The following MGAT4C variants were observed in gnomAD, a reference collection of about 807,000 sequenced individuals.
MGAT4C encodes alpha-1,3-mannosyl-glycoprotein 4-beta-N-acetylglucosaminyltransferase C.
A neutral mutation model predicts 40.1 loss-of-function variants in MGAT4C; 19 were observed. The ratio of observed to expected loss-of-function variants is 0.47; its 90% CI spans 0.33 to 0.70. The LOEUF (loss-of-function observed/expected upper bound fraction) is 0.70, where lower values mean the gene tolerates loss of function less well. Ranked by LOEUF, MGAT4C falls within the 30% of genes least tolerant of loss-of-function variation. MGAT4C has a pLI of 0.02. For missense variants in MGAT4C, 491 were observed against 563.2 expected (o/e 0.87, Z 1.30); for synonymous variants, 181 against 187.1 (o/e 0.97, Z 0.27).
intron 2 of MGAT4C, among the ~76,000 whole-genome samples, chr12:86,587,402 G>A (rs969097968): frequency 4.6e-5 from 7 of 152,060 alleles, no homozygotes; most frequent in Non-Finnish European, 7.4e-5. Context: ...CTCCAGCTTT[G>A]TTCTTTTGGC....
rs1467170628 is a variant in MGAT4C, at chr12:85,972,938, T to C, written c.*6351A>G. The C allele has an allele frequency of 6.6e-6, 1 of 151,010 alleles. No homozygotes were observed. The highest frequency in any genetic ancestry group is 1.5e-5 in the Non-Finnish European group (1 of 67,182). The allele number at this position is 151,010 out of a possible 1,614,324, so 9.4% of individuals were successfully genotyped here. On this transcript the variant is annotated 3_prime_UTR_variant, in exon 5 of 5. Coordinates refer to ENST00000611864, the MANE Select transcript of MGAT4C (RefSeq NM_001351288.2). The stretch of plus-strand genomic sequence containing the variant: ...CAAATAGTTAAACAAATGTGGGGTA[T>C]TTTATGGAGAAAAGAGGCATGTACT...
At chr12:86,292,252 T>C (rs1953537219) in intron 4 of MGAT4C, among the ~76,000 whole-genome samples, 1 of 152,038 alleles carries the variant, frequency 6.6e-6, no homozygotes. Flanking sequence ...AAAAATATAA[T>C]GAAAAATTAT....
At chr12:86,419,175 T>C (rs946070566) in intron 3 of MGAT4C, among the ~76,000 whole-genome samples, 1 of 152,064 alleles carries the variant, frequency 6.6e-6, no homozygotes, top group Non-Finnish European at 1.5e-5. Context: ...AAATTATTAC[T>C]GAAATATGAG....
chr12:86,439,351 A>T (rs1318071159), intron 2 of MGAT4C, among the ~76,000 whole-genome samples: 1 of 152,072 alleles, frequency 6.6e-6, no homozygotes, highest in Non-Finnish European at 1.5e-5. Context: ...ATACATGGAA[A>T]TTAAACAACC....
chr12:86,512,531 A>G (rs561904928), intron 2 of MGAT4C, among the ~76,000 whole-genome samples: 2 of 152,232 alleles, frequency 1.3e-5, no homozygotes, highest in East Asian at 1.9e-4. Flanking sequence ...GAAATTTTTA[A>G]TTGTCCATTG....
At chr12:86,685,035 T>A (rs1359437706) in intron 2 of MGAT4C, among the ~76,000 whole-genome samples, 2 of 152,198 alleles carry the variant, frequency 1.3e-5, no homozygotes. Context: ...AGCTTTTTAG[T>A]TTAATAAGAT....
intron 3 of MGAT4C, among the ~76,000 whole-genome samples, chr12:86,430,604 C>T (rs1957016872): frequency 6.6e-6 from 1 of 152,076 alleles, no homozygotes; most frequent in African/African-American, 2.4e-5. Flanking sequence ...TGGGTGAGTA[C>T]TGTGATGGAT....
intron 2 of MGAT4C, among the ~76,000 whole-genome samples, chr12:86,485,666 C>G (rs780689924): frequency 6.6e-6 from 1 of 152,052 alleles, no homozygotes; most frequent in Non-Finnish European, 1.5e-5. Context: ...AGGATACAAT[C>G]CATGAAAATG....
At chr12:86,103,137 G>C (rs1042746600) in intron 1 of MGAT4C, among the ~76,000 whole-genome samples, 2 of 152,100 alleles carry the variant, frequency 1.3e-5, no homozygotes, top group Non-Finnish European at 2.9e-5. Flanking sequence ...GACTGACTTA[G>C]ATAATATAGG....
At position 86,337,132 on chromosome 12, in the gene MGAT4C, G is replaced by A. The variant is rs560366122; in HGVS notation, c.-119-3005C>T. ...AAATGATCGATGATGATGATGATGT[G>A]GTGATGATGATAGAAACCAATCTAT... On this transcript the variant is annotated intron_variant, in intron 3 of 7. Coordinates refer to the MGAT4C transcript ENST00000548651. 3.3e-5 allele frequency among the ~76,000 whole-genome samples: 5 copies of A among 151,972 alleles called. No individual in the cohort carries two copies. The South Asian group carries it at 1.0e-3, about 32-fold the overall frequency.
At chr12:86,585,193 T>C (rs1960963890) in intron 2 of MGAT4C, among the ~76,000 whole-genome samples, 1 of 151,460 alleles carries the variant, frequency 6.6e-6, no homozygotes, top group African/African-American at 2.4e-5. Context: ...TAGCATAAAA[T>C]GGGACTCTCC....
At chr12:86,352,609 T>C (rs1211133989) in intron 3 of MGAT4C, among the ~76,000 whole-genome samples, 5 of 152,178 alleles carry the variant, frequency 3.3e-5, no homozygotes, top group Non-Finnish European at 7.3e-5. Flanking sequence ...TTCCATTACA[T>C]AGATACATTA....
intron 2 of MGAT4C, among the ~76,000 whole-genome samples, chr12:86,617,081 C>T (rs1962476031): frequency 6.6e-6 from 1 of 152,102 alleles, no homozygotes; most frequent in Non-Finnish European, 1.5e-5. Context: ...TTACTATTCC[C>T]TTAAGTCACT....
chr12:86,349,432 A>G (rs1955110820), intron 3 of MGAT4C, among the ~76,000 whole-genome samples: 1 of 152,172 alleles, frequency 6.6e-6, no homozygotes, highest in Non-Finnish European at 1.5e-5. Flanking sequence ...TTGTTTACAG[A>G]GTCCTCTTCC....
rs922613766 is a variant in MGAT4C, at chr12:86,106,018, G to A, written c.-56-56295C>T. On this transcript the variant is annotated intron_variant, in intron 1 of 4. Transcript: ENST00000611864. ...GCTGTAATCTTCAACATCATCTTCC[G>A]AAAAAAATTTTAGTGCTATATTCTT... Among the ~76,000 whole-genome samples the A allele has an allele frequency of 7.1e-4, 108 of 151,896 alleles. 2 individuals are homozygous for A. Among genetic ancestry groups the A allele is most frequent in the East Asian group, 1.9e-4 (1 of 5,182 alleles).
At chr12:86,688,401 G>A (rs1011180823) in intron 2 of MGAT4C, among the ~76,000 whole-genome samples, 18 of 152,018 alleles carry the variant, frequency 1.2e-4, no homozygotes, top group African/African-American at 4.1e-4. Flanking sequence ...ATGCCAGCTG[G>A]TGATTTTGCA....
rs1951371223 is a variant in MGAT4C, at chr12:86,759,884, T to C, written c.-261-32643A>G. On this transcript the variant is annotated intron_variant, in intron 1 of 7. Transcript: ENST00000548651. ...TATTTCCTTTGATTTTTAAAATGTT[T>C]CAGTTTTATGGAATCTCATATGTGA... Among the ~76,000 whole-genome samples, 2 of 152,158 alleles carry C rather than the reference T, an allele frequency of 1.3e-5. 1 individual carries two copies. The highest frequency in any genetic ancestry group is 1.3e-4 in the Admixed American group (2 of 15,262).
intron 4 of MGAT4C, among the ~76,000 whole-genome samples, chr12:86,280,054 T>G (rs981393370): frequency 6.6e-6 from 1 of 152,134 alleles, no homozygotes; most frequent in African/African-American, 2.4e-5. Flanking sequence ...ACATATGGTC[T>G]AACATTGAGA....
At chr12:86,312,615 C>T (rs1954107162) in intron 4 of MGAT4C, among the ~76,000 whole-genome samples, 1 of 152,114 alleles carries the variant, frequency 6.6e-6, no homozygotes, top group Admixed American at 6.5e-5. Flanking sequence ...AAATTTGTAG[C>T]ATAATGCCTA....
Sources: gnomAD v4.1 joint callset for allele counts (sites outside exome capture counted in the v4.1 genomes callset) on GRCh38, gnomAD v4.1.1 for gene constraint, MANE v1.5 for transcripts, NCBI Gene and HGNC (gene_info 2026-07-23, HGNC 2026-07-21) for gene names.